The following BIK variants were observed in gnomAD, a reference collection of about 807,000 sequenced individuals.
BIK encodes the protein BCL2 interacting killer.
Under a neutral mutation model 12.1 loss-of-function variants are expected in BIK, and 14 were observed. The ratio of observed to expected loss-of-function variants is 1.16; its 90% CI spans 0.77 to 1.81. BIK has a LOEUF of 1.81. Among genes scored for constraint, BIK ranks in the 40% most tolerant of loss-of-function variants. The pLI, the probability that BIK is intolerant of heterozygous loss-of-function variation, is 0.00. For missense variants in BIK, 215 were observed against 207.9 expected, an observed-to-expected ratio of 1.03 and a Z score of -0.21; for synonymous variants, 86 against 92.3, an observed-to-expected ratio of 0.93 and a Z score of 0.39.
intron 2 of BIK, 48 bp from the exon 3 acceptor site, chr22:43,127,649 G>A (rs1307959962): frequency 6.7e-7 from 1 of 1,501,932 alleles, no homozygotes; most frequent in African/African-American, 1.4e-5. Flanking sequence ...AGGTGCATGT[G>A]GCCTCCACGG....
chr22:43,127,142 TTAGTGGGGGGCCTAC>T (rs987265451), intron 2 of BIK, among the ~76,000 whole-genome samples: 7 of 152,004 alleles, frequency 4.6e-5, no homozygotes, highest in African/African-American at 1.7e-4. Flanking sequence ...AGGATGTGGT[TTAGTGGGGGGCCTAC>T]TAGGGGCTTC....
intron 1 of BIK, among the ~76,000 whole-genome samples, chr22:43,119,118 T>C (rs1034665453): frequency 6.6e-6 from 1 of 151,576 alleles, no homozygotes; most frequent in Non-Finnish European, 1.5e-5. Context: ...TTTCTGCACA[T>C]ACTAGATTTG....
intron 1 of BIK, among the ~76,000 whole-genome samples, chr22:43,113,559 AAAT>A (rs1205528587): frequency 6.6e-6 from 1 of 152,198 alleles, no homozygotes; most frequent in African/African-American, 2.4e-5. Flanking sequence ...AAAAAAAAAA[AAAT>A]TACGTCTTGT....
rs1930398427 is a variant in BIK at position 43,129,494 on chromosome 22, G to GT, written c.*195dup. ...TTGTTTTTTTTTTATTCCAGTTTTC[G>GT]TTTTTTCTAAAAGATGAATTCCTAT... is the stretch of plus-strand genomic sequence containing the variant. On this transcript the variant is annotated 3_prime_UTR_variant, in exon 5 of 5. Transcript: ENST00000216115. 3.9e-6 allele frequency: 4 copies of GT among 1,022,040 alleles called. No homozygotes were observed. The highest frequency in any genetic ancestry group is 1.7e-5 in the African/African-American group (1 of 60,402). The allele number at this position is 1,022,040 out of a possible 1,614,324, so 63.3% of individuals were successfully genotyped here.
intron 1 of BIK, among the ~76,000 whole-genome samples, chr22:43,118,781 G>A (rs1161691370): frequency 6.6e-6 from 1 of 152,106 alleles, no homozygotes; most frequent in African/African-American, 2.4e-5. Context: ...GGTCATGAGA[G>A]TCTGAGGGTC....
At chr22:43,115,452 A>G (rs1221735489) in intron 1 of BIK, among the ~76,000 whole-genome samples, 6 of 151,826 alleles carry the variant, frequency 4.0e-5, no homozygotes, top group Admixed American at 6.6e-5. Context: ...CAGCCTCAGC[A>G]TTTCAGAACT....
intron 2 of BIK, among the ~76,000 whole-genome samples, chr22:43,124,952 T>G (rs1930286085): frequency 6.6e-6 from 1 of 152,170 alleles, no homozygotes; most frequent in Non-Finnish European, 1.5e-5. Context: ...CTGAATATAC[T>G]TATAGTTATT....
intron 1 of BIK, among the ~76,000 whole-genome samples, chr22:43,121,652 G>C (rs1002517515): frequency 1.3e-5 from 2 of 152,056 alleles, no homozygotes; most frequent in African/African-American, 2.4e-5. Flanking sequence ...GGAAGGGAAA[G>C]GGGGGAAAAG....
intron 4 of BIK, 152 bp from the exon 5 acceptor site, chr22:43,129,061 C>T: frequency 2.2e-6 from 3 of 1,391,778 alleles, no homozygotes; most frequent in Non-Finnish European, 3.0e-6. Flanking sequence ...GGGCCACTTT[C>T]CCCCTCTCCT....
At chr22:43,113,537 AGACTCCATC>A (rs1195148465) in intron 1 of BIK, among the ~76,000 whole-genome samples, 21 of 151,956 alleles carry the variant, frequency 1.4e-4, no homozygotes, top group African/African-American at 5.1e-4. Flanking sequence ...GGCTAACGTG[AGACTCCATC>A]TCAAAAAAAA....
chr22:43,129,273 C>A lies in BIK; in HGVS notation c.451C>A (p.Leu151Ile). 6.2e-7 allele frequency: 1 copy of A among 1,601,326 alleles called. No individual in the cohort carries two copies. ...LLLLALLLPL[L>I]SGGLHLLLK is the part of the protein sequence containing the mutation. ...GCTGCTGGCGCTGCTGCTGCCGCTGCTCAGCGGGGGCCTGCACCTGCTGCT... is the reference window on the plus strand; with the variant it reads ...GCTGCTGGCGCTGCTGCTGCCGCTGATCAGCGGGGGCCTGCACCTGCTGCT... The change falls in exon 5 of 5, where the codon CTC becomes ATC. Residue 151 changes from leucine to isoleucine, a missense_variant. Coordinates refer to ENST00000216115, the MANE Select transcript of BIK (RefSeq NM_001197.5).
At chr22:43,114,104 G>C (rs1930064286) in intron 1 of BIK, among the ~76,000 whole-genome samples, 1 of 152,192 alleles carries the variant, frequency 6.6e-6, no homozygotes, top group African/African-American at 2.4e-5. Context: ...GATTTTCCTA[G>C]TGTCAATATT....
At chr22:43,110,868 C>T (rs1350464446) in intron 1 of BIK, 65 bp downstream of exon 1, 1 of 152,198 alleles carries the variant, frequency 6.6e-6, no homozygotes, top group African/African-American at 2.4e-5. Context: ...GGTTAGCGCC[C>T]AGGCCGCGGC....
intron 4 of BIK, 108 bp from the exon 5 acceptor site, chr22:43,129,105 T>A: frequency 6.3e-7 from 1 of 1,578,590 alleles, no homozygotes; most frequent in Non-Finnish European, 8.6e-7. Context: ...CTCGAGCTCC[T>A]TCCCAGTCCC....
At chr22:43,124,697 G>A (rs1040133630) in intron 2 of BIK, among the ~76,000 whole-genome samples, 1 of 152,146 alleles carries the variant, frequency 6.6e-6, no homozygotes, top group African/African-American at 2.4e-5. Flanking sequence ...CTCGAGACCA[G>A]CCTGGCCAAC....
At chr22:43,123,475 G>T (rs1288426498) in intron 1 of BIK, among the ~76,000 whole-genome samples, 1 of 152,180 alleles carries the variant, frequency 6.6e-6, no homozygotes, top group Non-Finnish European at 1.5e-5. Flanking sequence ...AAGGCTGGGC[G>T]TGGTGGCTCA....
chr22:43,122,413 A>C (rs1930237263), intron 1 of BIK, among the ~76,000 whole-genome samples: 1 of 152,208 alleles, frequency 6.6e-6, no homozygotes, highest in African/African-American at 2.4e-5. Flanking sequence ...TCGTCTTCCC[A>C]ATAGCCCAGG....
At chr22:43,112,517 T>A (rs924691185) in intron 1 of BIK, among the ~76,000 whole-genome samples, 6 of 150,656 alleles carry the variant, frequency 4.0e-5, no homozygotes, top group Admixed American at 2.0e-4. Flanking sequence ...TAAATACTCC[T>A]GCCTCAGCCT....
chr22:43,127,693 G>C lies in BIK; in HGVS notation c.162-4G>C. On this transcript the variant is annotated splice_region_variant and splice_polypyrimidine_tract_variant and intron_variant, in intron 2 of 4. Coordinates refer to ENST00000216115, the MANE Select transcript of BIK (RefSeq NM_001197.5). ...CACCCGACTCCTGTGTGTGCTCCCT[G>C]CAGTGACGCATTGGCCCTGCGGCTG... 1 of 1,552,168 alleles carries C rather than the reference G, an allele frequency of 6.4e-7. No homozygotes were observed. The highest frequency in any genetic ancestry group is 1.2e-5 in the South Asian group (1 of 84,138).
Sources: gnomAD v4.1 joint callset for allele counts (sites outside exome capture counted in the v4.1 genomes callset) on GRCh38, gnomAD v4.1.1 for gene constraint, MANE v1.5 for transcripts, NCBI Gene and HGNC (gene_info 2026-07-23, HGNC 2026-07-21) for gene names.